Variants in YTHDF3 observed in about 807,000 individuals in gnomAD.
YTHDF3 encodes the protein YTH N6-methyladenosine RNA binding protein F3.
A neutral mutation model predicts 52.5 loss-of-function variants in YTHDF3; 9 were observed. That is an observed-to-expected ratio of 0.17 (90% CI 0.10 to 0.30). YTHDF3 has a LOEUF of 0.30. Ranked by LOEUF, YTHDF3 falls within the 10% of genes least tolerant of loss-of-function variation. The probability of loss-of-function intolerance (pLI) is 1.00; values close to 1 mark genes in which losing one functional copy is unlikely to be tolerated. For synonymous variants in YTHDF3, 274 were observed against 243.3 expected (o/e 1.13, Z -1.18); for missense variants, 534 against 715.0 (o/e 0.75, Z 2.89).
chr8:63,187,030 C>G lies in YTHDF3; in HGVS notation c.1019C>G (p.Pro340Arg), dbSNP rs774204229. ...QQQGPQPQAQ[P>R]HQVQPQQQQL... is the part of the protein sequence containing the mutation. ...CAAGGACCTCAGCCACAGGCCCAGC[C>G]TCACCAAGTGCAGCCTCAACAGCAG... Residue 340 changes from proline (P) to arginine (R), a missense_variant, in exon 4 of 5, where the codon CCT becomes CGT. This residue lies in a region of YTHDF3 where 203 missense variants were observed against 201.3 expected (regional missense o/e 1.01). Coordinates refer to ENST00000539294, the MANE Select transcript of YTHDF3 (RefSeq NM_152758.6). The G allele has an allele frequency of 6.2e-7, 1 of 1,613,682 alleles. No homozygotes were observed. Among genetic ancestry groups the G allele is most frequent in the Admixed American group, 1.7e-5 (1 of 59,956 alleles).
In YTHDF3 at chr8:63,187,018, C is replaced by T; in HGVS notation, c.1007C>T (p.Pro336Leu). ...CCACAGCAGCAACAAGGACCTCAGC[C>T]ACAGGCCCAGCCTCACCAAGTGCAG... ...PQPQQQQGPQ[P>L]QAQPHQVQPQ... The change falls in exon 4 of 5, where the codon CCA becomes CTA. Residue 336 changes from proline (P) to leucine (L), a missense_variant. Pro to Leu is a moderately conservative substitution (Grantham distance 98). This residue lies in a region of YTHDF3 where 203 missense variants were observed against 201.3 expected (regional missense o/e 1.01). Transcript: ENST00000539294. 1 of 1,613,540 alleles carries T rather than the reference C, an allele frequency of 6.2e-7. No individual in the cohort carries two copies. Among genetic ancestry groups the T allele is most frequent in the Non-Finnish European group, 8.5e-7 (1 of 1,179,714 alleles).
chr8:63,199,159 A>G (rs1809433426), intron 4 of YTHDF3, among the ~76,000 whole-genome samples: 1 of 152,164 alleles, frequency 6.6e-6, no homozygotes. Context: ...CAGATTATTA[A>G]TAGTGGTTAT....
At chr8:63,200,127 C>T (rs1809504495) in intron 4 of YTHDF3, among the ~76,000 whole-genome samples, 2 of 152,184 alleles carry the variant, frequency 1.3e-5, no homozygotes, top group Non-Finnish European at 2.9e-5. Context: ...AAATCTGCAT[C>T]CAAACTCACG....
chr8:63,191,449 A>G (rs1808907322), intron 4 of YTHDF3, among the ~76,000 whole-genome samples: 1 of 152,106 alleles, frequency 6.6e-6, no homozygotes, highest in South Asian at 2.1e-4. Context: ...TGCTTCTATT[A>G]TCACATTCAG....
intron 3 of YTHDF3, among the ~76,000 whole-genome samples, chr8:63,182,833 T>TATCTTATATCA (rs766063862): frequency 2.0e-4 from 30 of 152,220 alleles, no homozygotes; most frequent in Non-Finnish European, 3.7e-4. Flanking sequence ...TTAGAATGAG[T>TATCTTATATCA]ATCTTATATC....
chr8:63,188,564 G>C (rs948600572), intron 4 of YTHDF3, among the ~76,000 whole-genome samples: 4 of 148,750 alleles, frequency 2.7e-5, no homozygotes, highest in Non-Finnish European at 5.9e-5. Flanking sequence ...CAAAGGATCT[G>C]CCCCTACCCC....
At chr8:63,173,925 G>A (rs1381941100) in intron 2 of YTHDF3, among the ~76,000 whole-genome samples, 1 of 152,104 alleles carries the variant, frequency 6.6e-6, no homozygotes, top group Non-Finnish European at 1.5e-5. Flanking sequence ...GCAGTGTGGT[G>A]TAGTAAGAAG....
chr8:63,202,026 A>T (rs1423320583), intron 4 of YTHDF3, among the ~76,000 whole-genome samples: 1 of 152,208 alleles, frequency 6.6e-6, no homozygotes, highest in Admixed American at 6.5e-5. Context: ...TCCCTCATTC[A>T]ACAGATAAAT....
intron 4 of YTHDF3, among the ~76,000 whole-genome samples, chr8:63,196,596 C>G (rs935523294): frequency 1.3e-5 from 2 of 150,958 alleles, no homozygotes; most frequent in Non-Finnish European, 3.0e-5. Context: ...AGGACAAAGA[C>G]AAAATCTTTA....
intron 2 of YTHDF3, 190 bp downstream of exon 2, chr8:63,169,601 T>C (rs2129942219): frequency 1.6e-6 from 1 of 617,202 alleles, no homozygotes; most frequent in South Asian, 2.1e-5. Flanking sequence ...GAAGCCACTT[T>C]ATAGAAACCA....
intron 4 of YTHDF3, among the ~76,000 whole-genome samples, chr8:63,209,164 G>A (rs185964550): frequency 2.0e-5 from 3 of 152,116 alleles, no homozygotes; most frequent in East Asian, 1.9e-4. Flanking sequence ...CACTGCGCCC[G>A]GCCTCATGTT....
intron 4 of YTHDF3, among the ~76,000 whole-genome samples, chr8:63,198,082 TC>T (rs1296540360): frequency 2.6e-5 from 4 of 152,168 alleles, no homozygotes; most frequent in Non-Finnish European, 4.4e-5. Flanking sequence ...CATTACCTGT[TC>T]CTCCAGAAAG....
chr8:63,170,338 C>G (rs1381529184), intron 2 of YTHDF3, among the ~76,000 whole-genome samples: 1 of 151,954 alleles, frequency 6.6e-6, no homozygotes, highest in Non-Finnish European at 1.5e-5. Flanking sequence ...CCTTTAAATT[C>G]TTGTTAGGGT....
intron 4 of YTHDF3, among the ~76,000 whole-genome samples, chr8:63,204,771 T>G (rs1220663197): frequency 1.3e-5 from 2 of 152,242 alleles, no homozygotes; most frequent in Non-Finnish European, 2.9e-5. Flanking sequence ...GTGTTTATTC[T>G]TCTTTTCCTT....
At chr8:63,202,421 C>T (rs1211704461) in intron 4 of YTHDF3, among the ~76,000 whole-genome samples, 1 of 151,374 alleles carries the variant, frequency 6.6e-6, no homozygotes, top group Non-Finnish European at 1.5e-5. Context: ...GGCTTTTGAG[C>T]AGCTGGGGTT....
intron 4 of YTHDF3, among the ~76,000 whole-genome samples, chr8:63,193,196 G>A (rs1340487213): frequency 2.6e-5 from 4 of 152,024 alleles, no homozygotes; most frequent in Non-Finnish European, 4.4e-5. Flanking sequence ...TGGCCAACAT[G>A]GTGAAACTCT....
intron 3 of YTHDF3, among the ~76,000 whole-genome samples, chr8:63,179,903 A>G (rs919505601): frequency 5.7e-5 from 8 of 140,696 alleles, no homozygotes; most frequent in African/African-American, 2.2e-4. Flanking sequence ...GGGGCTCCTC[A>G]CTTCCCAGTA....
rs991635275 is a variant in YTHDF3, at chr8:63,212,166, A to G, written c.*2460A>G. 2.6e-5 allele frequency: 4 copies of G among 152,654 alleles called. No individual in the cohort carries two copies. Among genetic ancestry groups the G allele is most frequent in the Non-Finnish European group, 4.4e-5 (3 of 68,030 alleles). 9.5% of individuals were successfully genotyped at this position (152,654 alleles called of 1,614,324 possible). ...AATGTTTTTCCAAGTTCTGGCTTGA[A>G]TATTTCTTATTAAAGCTATCTTATG... On this transcript the variant is annotated 3_prime_UTR_variant, in exon 5 of 5. Coordinates refer to ENST00000539294, the MANE Select transcript of YTHDF3 (RefSeq NM_152758.6).
intron 3 of YTHDF3, among the ~76,000 whole-genome samples, chr8:63,180,428 G>A (rs1475827897): frequency 1.3e-5 from 2 of 151,606 alleles, no homozygotes; most frequent in Non-Finnish European, 2.9e-5. Context: ...CGGCCGGGAA[G>A]AGGCGCTCCT....
Sources: gnomAD v4.1 joint callset for allele counts (sites outside exome capture counted in the v4.1 genomes callset) on GRCh38, gnomAD v4.1.1 for gene constraint, gnomAD v4.1.1 regional missense constraint, MANE v1.5 for transcripts, NCBI Gene and HGNC (gene_info 2026-07-23, HGNC 2026-07-21) for gene names.